Variants in ABHD17B observed in about 807,000 individuals in gnomAD.
ABHD17B encodes abhydrolase domain containing 17B, depalmitoylase.
A neutral mutation model predicts 26.2 loss-of-function variants in ABHD17B; 9 were observed. That is an observed-to-expected ratio of 0.34 (90% confidence interval 0.21 to 0.60). The LOEUF is 0.60. ABHD17B is among the 20% of genes least tolerant of loss of function. ABHD17B has a pLI of 0.80. For missense variants in ABHD17B, 224 were observed against 352.1 expected (o/e 0.64, Z 2.91); for synonymous variants, 127 against 122.3 (o/e 1.04, Z -0.25).
At chr9:71,900,828 A>G (rs1827114813) in intron 1 of ABHD17B, among the ~76,000 whole-genome samples, 1 of 151,828 alleles carries the variant, frequency 6.6e-6, no homozygotes, top group Non-Finnish European at 1.5e-5. Context: ...AGCTGTTTCC[A>G]CATCAGAGTT....
chr9:71,889,491 T>G (rs1288277159), intron 1 of ABHD17B, among the ~76,000 whole-genome samples: 2 of 152,146 alleles, frequency 1.3e-5, no homozygotes, highest in Non-Finnish European at 2.9e-5. Context: ...GGAATCAGAC[T>G]AATCTGAAAG....
chr9:71,901,327 A>G (rs945665280), intron 1 of ABHD17B, among the ~76,000 whole-genome samples: 8 of 152,068 alleles, frequency 5.3e-5, no homozygotes, highest in Non-Finnish European at 7.4e-5. Flanking sequence ...ATTGTAATAT[A>G]ACATCTATCA....
chr9:71,889,526 G>C (rs974157804), intron 1 of ABHD17B, among the ~76,000 whole-genome samples: 1 of 152,072 alleles, frequency 6.6e-6, no homozygotes, highest in East Asian at 1.9e-4. Flanking sequence ...AGACTGATAT[G>C]GCAAATTACA....
intron 3 of ABHD17B, among the ~76,000 whole-genome samples, chr9:71,869,770 C>G (rs187539307): frequency 7.2e-5 from 11 of 152,192 alleles, no homozygotes; most frequent in Non-Finnish European, 1.5e-4. Flanking sequence ...CTTTAGCATC[C>G]TACACCCAGT....
chr9:71,892,030 CT>C (rs1182877531), intron 1 of ABHD17B, among the ~76,000 whole-genome samples: 14 of 152,196 alleles, frequency 9.2e-5, no homozygotes, highest in African/African-American at 3.4e-4. Context: ...AAGCTGGTGA[CT>C]TTAGGGAAGT....
chr9:71,871,888 A>C (rs1826125721), intron 2 of ABHD17B, among the ~76,000 whole-genome samples: 1 of 152,162 alleles, frequency 6.6e-6, no homozygotes, highest in South Asian at 2.1e-4. Flanking sequence ...CCAGGCCCCG[A>C]GTTTCTTTTG....
rs143985327 is a variant in ABHD17B at position 71,889,209 on chromosome 9, C to T, written c.-3-14126G>A. Among the ~76,000 whole-genome samples, 1,258 of 151,190 alleles carry T rather than the reference C, an allele frequency of 8.3e-3. 17 individuals are homozygous for T. The highest frequency in any genetic ancestry group is 0.028 in the African/African-American group (1,167 of 41,196). ...GCAGGCGCCTGTAATCATAGCTACTCGGGAGGCTGAGGCAGGTGAATCACT... is the reference window on the plus strand; with the variant it reads ...GCAGGCGCCTGTAATCATAGCTACTTGGGAGGCTGAGGCAGGTGAATCACT... On this transcript the variant is annotated intron_variant, in intron 1 of 3. Coordinates refer to ENST00000333421, the MANE Select transcript of ABHD17B (RefSeq NM_001025780.3).
chr9:71,869,391 G>A (rs1001495630), intron 3 of ABHD17B, among the ~76,000 whole-genome samples: 1 of 152,232 alleles, frequency 6.6e-6, no homozygotes, highest in South Asian at 2.1e-4. Context: ...AGAAAGGAGA[G>A]AAAACTAAAA....
chr9:71,897,889 G>A (rs148124758), intron 1 of ABHD17B, among the ~76,000 whole-genome samples: 2 of 152,228 alleles, frequency 1.3e-5, no homozygotes, highest in African/African-American at 4.8e-5. Flanking sequence ...ACTCTTAGAT[G>A]TGTAACAAAC....
At chr9:71,868,862 T>A (rs1219602481) in intron 3 of ABHD17B, among the ~76,000 whole-genome samples, 1 of 152,130 alleles carries the variant, frequency 6.6e-6, no homozygotes, top group Non-Finnish European at 1.5e-5. Flanking sequence ...CTAATTTTTG[T>A]AATTTTGGTG....
chr9:71,878,348 G>C (rs1826340946), intron 1 of ABHD17B, among the ~76,000 whole-genome samples: 1 of 152,136 alleles, frequency 6.6e-6, no homozygotes, highest in South Asian at 2.1e-4. Flanking sequence ...AAATTTAATA[G>C]ATAGAAATAG....
At chr9:71,900,459 G>C in intron 1 of ABHD17B, among the ~76,000 whole-genome samples, 1 of 151,806 alleles carries the variant, frequency 6.6e-6, no homozygotes, top group East Asian at 2.0e-4. Context: ...AGACCAGCCT[G>C]GCCAATAGGG....
chr9:71,874,582 A>T (rs1192630779), intron 2 of ABHD17B, 32 bp downstream of exon 2: 1 of 1,506,936 alleles, frequency 6.6e-7, no homozygotes, highest in Admixed American at 2.2e-5. Context: ...AACCACCACG[A>T]GTATGAAAAA....
chr9:71,899,591 G>C (rs1359763836), intron 1 of ABHD17B, among the ~76,000 whole-genome samples: 1 of 152,144 alleles, frequency 6.6e-6, no homozygotes, highest in Non-Finnish European at 1.5e-5. Context: ...TGGACCTGTA[G>C]GAAATATAGG....
At chr9:71,870,017 T>C in intron 3 of ABHD17B, 66 bp downstream of exon 3, 1 of 1,395,232 alleles carries the variant, frequency 7.2e-7, no homozygotes, top group Non-Finnish European at 9.8e-7. Context: ...GTGTCATGAA[T>C]ACTTTAAATG....
rs553675812 is a variant in ABHD17B at position 71,867,953 on chromosome 9, T to C, written c.648-947A>G. On this transcript the variant is annotated intron_variant, in intron 3 of 3. Coordinates refer to ENST00000333421, the MANE Select transcript of ABHD17B (RefSeq NM_001025780.3). The stretch of plus-strand genomic sequence containing the variant: ...CAGGTGCGGTGGCTCATGCCTGTAA[T>C]CTCGGCACTTTGGGAGGCCGTAGTG... Among the ~76,000 whole-genome samples the C allele has an allele frequency of 3.7e-3, 560 of 151,808 alleles. 3 individuals are homozygous for C. Among genetic ancestry groups the C allele is most frequent in the Middle Eastern group, 0.014 (4 of 294 alleles).
intron 1 of ABHD17B, among the ~76,000 whole-genome samples, chr9:71,892,979 C>T (rs910180885): frequency 1.3e-5 from 2 of 152,150 alleles, no homozygotes; most frequent in African/African-American, 4.8e-5. Context: ...ACCATTTTGT[C>T]TCTATGAATT....
intron 1 of ABHD17B, among the ~76,000 whole-genome samples, chr9:71,882,429 C>T (rs1183573420): frequency 6.6e-6 from 1 of 152,050 alleles, no homozygotes; most frequent in African/African-American, 2.4e-5. Context: ...GAGGCCAAGG[C>T]GGGAGAATCC....
intron 3 of ABHD17B, among the ~76,000 whole-genome samples, chr9:71,868,195 G>A (rs1223192293): frequency 6.6e-6 from 1 of 151,898 alleles, no homozygotes; most frequent in African/African-American, 2.4e-5. Flanking sequence ...CTCCAGCCTG[G>A]GTGTCGCAGC....
Sources: gnomAD v4.1 joint callset for allele counts (sites outside exome capture counted in the v4.1 genomes callset) on GRCh38, gnomAD v4.1.1 for gene constraint, MANE v1.5 for transcripts, NCBI Gene and HGNC (gene_info 2026-07-23, HGNC 2026-07-21) for gene names.